The following RASGEF1C variants were observed in gnomAD, a reference collection of about 807,000 sequenced individuals.
The protein encoded by RASGEF1C is ras-GEF domain-containing family member 1C.
A neutral mutation model predicts 58.1 loss-of-function variants in RASGEF1C; 27 were observed. That is an observed-to-expected ratio of 0.46 (90% CI 0.34 to 0.64). The LOEUF (loss-of-function observed/expected upper bound fraction) is 0.64. Ranked by LOEUF, RASGEF1C falls within the 30% of genes least tolerant of loss-of-function variation. RASGEF1C has a pLI of 0.01. For missense variants in RASGEF1C, 502 were observed against 605.1 expected, an observed-to-expected ratio of 0.83 and a Z score of 1.79; for synonymous variants, 243 against 246.3, an observed-to-expected ratio of 0.99 and a Z score of 0.13.
chr5:180,107,800 G>A (rs1291980922), intron 12 of RASGEF1C, among the ~76,000 whole-genome samples: 1 of 152,078 alleles, frequency 6.6e-6, no homozygotes, highest in East Asian at 1.9e-4. Context: ...GTAGAGACGA[G>A]GTTTCGCCAT....
chr5:180,136,336 G>T, intron 4 of RASGEF1C, 42 bp downstream of exon 4: 9 of 1,531,918 alleles, frequency 5.9e-6, no homozygotes, highest in Non-Finnish European at 7.9e-6. Flanking sequence ...GGCCTGGGAC[G>T]GGAGGGACCC....
intron 10 of RASGEF1C, among the ~76,000 whole-genome samples, chr5:180,117,011 C>T (rs1021266792): frequency 1.3e-5 from 2 of 152,174 alleles, no homozygotes; most frequent in Non-Finnish European, 2.9e-5. Context: ...GAGTCGTTGT[C>T]AGAATTCAGT....
At chr5:180,123,590 T>C (rs1766210856) in intron 6 of RASGEF1C, among the ~76,000 whole-genome samples, 1 of 152,016 alleles carries the variant, frequency 6.6e-6, no homozygotes, top group Non-Finnish European at 1.5e-5. Flanking sequence ...AAATCAACCA[T>C]CTTTCATGCT....
At chr5:180,159,285 G>A (rs199980947) in intron 1 of RASGEF1C, among the ~76,000 whole-genome samples, 105 of 151,788 alleles carry the variant, frequency 6.9e-4, no homozygotes, top group African/African-American at 2.2e-3. Context: ...GAGTACAGGC[G>A]TGCACCACCA....
chr5:180,102,464 C>T (rs1265692513), intron 12 of RASGEF1C, among the ~76,000 whole-genome samples: 1 of 152,194 alleles, frequency 6.6e-6, no homozygotes, highest in Non-Finnish European at 1.5e-5. Flanking sequence ...AACTCTTTAT[C>T]TAGCCCTATA....
intron 12 of RASGEF1C, among the ~76,000 whole-genome samples, chr5:180,107,342 GTTTTA>G (rs1284177862): frequency 6.6e-6 from 1 of 151,888 alleles, no homozygotes. Flanking sequence ...TTTGTTCTCT[GTTTTA>G]TTTTTCTTGT....
At chr5:180,194,938 G>A (rs1756238768) in intron 1 of RASGEF1C, among the ~76,000 whole-genome samples, 1 of 152,208 alleles carries the variant, frequency 6.6e-6, no homozygotes, top group Non-Finnish European at 1.5e-5. Context: ...CTTCAGGTCT[G>A]CTGAAGGTTG....
chr5:180,151,192 T>G (rs1766740054), intron 1 of RASGEF1C, among the ~76,000 whole-genome samples: 1 of 152,182 alleles, frequency 6.6e-6, no homozygotes, highest in Non-Finnish European at 1.5e-5. Context: ...CCAATGACTT[T>G]CTTCACAGAA....
intron 1 of RASGEF1C, among the ~76,000 whole-genome samples, chr5:180,159,405 G>T (rs908695078): frequency 6.6e-6 from 1 of 152,166 alleles, no homozygotes; most frequent in Non-Finnish European, 1.5e-5. Context: ...CTCCCAAAGC[G>T]CTGGGATTAC....
chr5:180,117,994 CAAAAAAAA>C (rs3078957), intron 10 of RASGEF1C, among the ~76,000 whole-genome samples: 1 of 108,680 alleles, frequency 9.2e-6, no homozygotes, highest in Admixed American at 9.7e-5. Flanking sequence ...ACTCCATCTC[CAAAAAAAA>C]AAAAAAAAAA....
intron 1 of RASGEF1C, among the ~76,000 whole-genome samples, chr5:180,149,088 C>CTTT (rs61204210): frequency 4.5e-5 from 5 of 110,176 alleles, no homozygotes; most frequent in African/African-American, 1.7e-4. Context: ...CTTTTTTTTT[C>CTTT]TTTTTTTTTT....
At chr5:180,117,123 G>A (rs866575610) in intron 10 of RASGEF1C, among the ~76,000 whole-genome samples, 1 of 152,184 alleles carries the variant, frequency 6.6e-6, no homozygotes, top group Admixed American at 6.5e-5. Context: ...CTGGCAGGCC[G>A]CCACCTGCCC....
rs557707496 is a variant in RASGEF1C at position 180,133,835 on chromosome 5, G to A, written c.438+2543C>T. 1.5e-4 allele frequency among the ~76,000 whole-genome samples: 23 copies of A among 152,280 alleles called. No homozygotes were observed. In the South Asian group the frequency reaches 3.5e-3, roughly 23 times the overall value. On this transcript the variant is annotated intron_variant, in intron 4 of 13. Transcript: ENST00000361132. ...AGTTCTGTAAAACTTAAGAAACAGCGCTCCTATGCCTGATTTGGGGAAGCA... is the reference window on the plus strand; with the variant it reads ...AGTTCTGTAAAACTTAAGAAACAGCACTCCTATGCCTGATTTGGGGAAGCA...
intron 1 of RASGEF1C, among the ~76,000 whole-genome samples, chr5:180,166,567 GT>G (rs1767022889): frequency 6.7e-6 from 1 of 149,224 alleles, no homozygotes; most frequent in Non-Finnish European, 1.5e-5. Context: ...CAGGCTAGAA[GT>G]GCAATGGCAC....
At chr5:180,165,174 TC>T (rs1296892389) in intron 1 of RASGEF1C, among the ~76,000 whole-genome samples, 1 of 152,192 alleles carries the variant, frequency 6.6e-6, no homozygotes, top group Non-Finnish European at 1.5e-5. Flanking sequence ...GAAATGAGTT[TC>T]TTTTTGGTAG....
intron 1 of RASGEF1C, among the ~76,000 whole-genome samples, chr5:180,151,962 GA>G (rs1766751823): frequency 6.6e-6 from 1 of 151,230 alleles, no homozygotes; most frequent in Non-Finnish European, 1.5e-5. Context: ...AAAGACACAT[GA>G]AAAAATGCTC....
intron 1 of RASGEF1C, among the ~76,000 whole-genome samples, chr5:180,151,350 G>T (rs1766742773): frequency 6.6e-6 from 1 of 152,178 alleles, no homozygotes. Flanking sequence ...AAACAGCATG[G>T]TACTGGTACC....
chr5:180,163,254 C>CTTTTTTTTTTTTTG (rs1187829324), intron 1 of RASGEF1C, among the ~76,000 whole-genome samples: 1 of 71,058 alleles, frequency 1.4e-5, no homozygotes. Context: ...TTTTTTTTTC[C>CTTTTTTTTTTTTTG]AGCCTATTGC....
chr5:180,148,387 GT>G (rs59348293), intron 1 of RASGEF1C, among the ~76,000 whole-genome samples: 20,967 of 151,170 alleles, frequency 0.14, 1,665 homozygotes, highest in Middle Eastern at 0.19. Flanking sequence ...CCATTTTGCT[GT>G]TTTTTTTTTT....
Sources: allele counts gnomAD v4.1 joint callset (sites outside exome capture counted in the v4.1 genomes callset), GRCh38; gene constraint gnomAD v4.1.1; transcripts MANE v1.5; gene names NCBI Gene and HGNC (gene_info 2026-07-23, HGNC 2026-07-21).